Variants in PCSK2 observed in about 807,000 individuals in gnomAD.
PCSK2 encodes the protein neuroendocrine convertase 2.
PCSK2 carries 14 observed loss-of-function variants against 69.7 expected under a neutral mutation model. The ratio of observed to expected loss-of-function variants is 0.20; its 90% CI spans 0.13 to 0.31. PCSK2 has a LOEUF of 0.31. Among genes scored for constraint, PCSK2 ranks in the 10% least tolerant of loss-of-function variants. The probability of loss-of-function intolerance (pLI) is 1.00; values close to 1 mark genes in which losing one functional copy is unlikely to be tolerated. For missense variants in PCSK2, 544 were observed against 842.5 expected (o/e 0.65, Z 4.39); for synonymous variants, 307 against 320.7 (o/e 0.96, Z 0.46).
intron 5 of PCSK2, among the ~76,000 whole-genome samples, chr20:17,405,533 C>T (rs16999097): frequency 0.089 from 13,550 of 152,210 alleles, 696 homozygotes; most frequent in Middle Eastern, 0.22. Flanking sequence ...TGTGGGCCTG[C>T]GTCTTTGATA....
intron 2 of PCSK2, among the ~76,000 whole-genome samples, chr20:17,303,450 TTATATTAAATATAATA>T (rs1434110958): frequency 1.0e-3 from 70 of 70,312 alleles, no homozygotes; most frequent in South Asian, 9.4e-3. Flanking sequence ...ATAATATATA[TTATATTAAATATAATA>T]TATATTATAT....
intron 2 of PCSK2, among the ~76,000 whole-genome samples, chr20:17,344,267 T>C (rs1990587036): frequency 6.6e-6 from 1 of 152,230 alleles, no homozygotes; most frequent in South Asian, 2.1e-4. Context: ...TGGCTTGACA[T>C]ATGAATTACT....
intron 2 of PCSK2, among the ~76,000 whole-genome samples, chr20:17,325,156 C>T (rs1990003396): frequency 6.6e-6 from 1 of 152,084 alleles, no homozygotes; most frequent in African/African-American, 2.4e-5. Flanking sequence ...TGTCATTTGC[C>T]TCCCTCCCAA....
At chr20:17,369,354 A>C in intron 5 of PCSK2, 77 bp downstream of exon 5, 1 of 1,045,430 alleles carries the variant, frequency 9.6e-7, no homozygotes, top group Non-Finnish European at 1.5e-6. Flanking sequence ...AGGAACATGC[A>C]CATGTCTACA....
intron 6 of PCSK2, among the ~76,000 whole-genome samples, chr20:17,411,830 G>A (rs77341918): frequency 1.3e-5 from 2 of 152,236 alleles, no homozygotes; most frequent in Non-Finnish European, 2.9e-5. Context: ...GAAAGATCAG[G>A]CAGCAATATT....
intron 2 of PCSK2, among the ~76,000 whole-genome samples, chr20:17,268,654 T>C (rs937628016): frequency 1.3e-5 from 2 of 151,896 alleles, no homozygotes; most frequent in African/African-American, 4.8e-5. Context: ...AGAGGAAAAA[T>C]AAAGCAAGAT....
intron 2 of PCSK2, among the ~76,000 whole-genome samples, chr20:17,323,606 T>C (rs573653959): frequency 9.8e-5 from 15 of 152,340 alleles, no homozygotes; most frequent in African/African-American, 3.4e-4. Flanking sequence ...GTTCTGCATA[T>C]TTTAAACTTT....
chr20:17,292,298 T>G (rs1358241510), intron 2 of PCSK2, among the ~76,000 whole-genome samples: 1 of 151,392 alleles, frequency 6.6e-6, no homozygotes, highest in Admixed American at 6.6e-5. Context: ...TTTTTCTTGT[T>G]TTAGAAAGAA....
chr20:17,362,229 C>A (rs1473691623), intron 4 of PCSK2, among the ~76,000 whole-genome samples: 1 of 152,230 alleles, frequency 6.6e-6, no homozygotes, highest in Non-Finnish European at 1.5e-5. Flanking sequence ...AGCAGAATTT[C>A]TCATTTGATG....
At chr20:17,366,252 T>C (rs766067938) in intron 4 of PCSK2, among the ~76,000 whole-genome samples, 25 of 152,224 alleles carry the variant, frequency 1.6e-4, no homozygotes, top group Non-Finnish European at 3.2e-4. Context: ...TGTCACCGCT[T>C]CCTGAGAATT....
chr20:17,309,634 A>C (rs749104605), intron 2 of PCSK2, among the ~76,000 whole-genome samples: 1 of 152,088 alleles, frequency 6.6e-6, no homozygotes, highest in Non-Finnish European at 1.5e-5. Context: ...CCTGGCCAAC[A>C]TGGTGAAACC....
intron 1 of PCSK2, among the ~76,000 whole-genome samples, chr20:17,248,871 G>A (rs1415893898): frequency 3.3e-5 from 5 of 152,130 alleles, no homozygotes; most frequent in African/African-American, 7.2e-5. Context: ...GGGCTGGGAC[G>A]TAGAGTAGGA....
chr20:17,301,075 G>T (rs1989064045), intron 2 of PCSK2, among the ~76,000 whole-genome samples: 1 of 152,196 alleles, frequency 6.6e-6, no homozygotes, highest in Non-Finnish European at 1.5e-5. Flanking sequence ...GGGTGTCGTT[G>T]TTAAAAAGCC....
At chr20:17,477,485 G>A (rs1378105639) in intron 11 of PCSK2, among the ~76,000 whole-genome samples, 3 of 152,074 alleles carry the variant, frequency 2.0e-5, no homozygotes, top group Non-Finnish European at 4.4e-5. Context: ...GCATATATAT[G>A]TTGGTCACTA....
chr20:17,474,004 T>A (rs1372230304), intron 11 of PCSK2, among the ~76,000 whole-genome samples: 1 of 152,136 alleles, frequency 6.6e-6, no homozygotes, highest in African/African-American at 2.4e-5. Context: ...AAAGAGTTGT[T>A]CTAGTGCTGG....
intron 6 of PCSK2, among the ~76,000 whole-genome samples, chr20:17,423,644 C>A (rs1269408320): frequency 6.7e-6 from 1 of 149,606 alleles, no homozygotes; most frequent in Non-Finnish European, 1.5e-5. Context: ...CACTTTTGTA[C>A]AAAAAAAAAA....
chr20:17,289,199 G>T (rs1988614999), intron 2 of PCSK2, among the ~76,000 whole-genome samples: 1 of 152,178 alleles, frequency 6.6e-6, no homozygotes, highest in African/African-American at 2.4e-5. Flanking sequence ...AGCCTTGTTA[G>T]ATTAGTCAAT....
chr20:17,228,125 C>G (rs1986002101), intron 1 of PCSK2: 1 of 152,244 alleles, frequency 6.6e-6, no homozygotes, highest in African/African-American at 2.4e-5. Context: ...TTCTGGTTGG[C>G]TCCCTAGTTC....
chr20:17,251,932 C>G (rs562483816), intron 1 of PCSK2, among the ~76,000 whole-genome samples: 1 of 152,260 alleles, frequency 6.6e-6, no homozygotes, highest in African/African-American at 2.4e-5. Context: ...TTGAAAGCTG[C>G]GCTCTTCCAG....
Sources: allele counts gnomAD v4.1 joint callset (sites outside exome capture counted in the v4.1 genomes callset), GRCh38; gene constraint gnomAD v4.1.1; transcripts MANE v1.5; gene names NCBI Gene and HGNC (gene_info 2026-07-23, HGNC 2026-07-21).